Variants in DNAJC6 observed in about 807,000 individuals in gnomAD.
DNAJC6 encodes auxilin.
Under a neutral mutation model 110.0 loss-of-function variants are expected in DNAJC6, and 34 were observed. That is an observed-to-expected ratio of 0.31 (90% CI 0.24 to 0.41). The LOEUF is 0.41. Ranked by LOEUF, DNAJC6 falls within the 10% of genes least tolerant of loss-of-function variation. The pLI, the probability that DNAJC6 is intolerant of heterozygous loss-of-function variation, is 1.00. For missense variants in DNAJC6, 1,031 were observed against 1,207.8 expected (o/e 0.85, Z 2.17); for synonymous variants, 406 against 437.2 (o/e 0.93, Z 0.89).
intron 1 of DNAJC6, among the ~76,000 whole-genome samples, chr1:65,299,586 T>A (rs1448362624): frequency 6.6e-6 from 1 of 152,194 alleles, no homozygotes. Context: ...GAACCCTCAC[T>A]ATATGCCAGG....
At chr1:65,312,395 C>A (rs1219846405) in intron 1 of DNAJC6, among the ~76,000 whole-genome samples, 2 of 152,158 alleles carry the variant, frequency 1.3e-5, no homozygotes, top group Non-Finnish European at 2.9e-5. Flanking sequence ...AATTATAGTT[C>A]TTTCTTCTAA....
At chr1:65,288,545 T>A (rs1333280244) in intron 1 of DNAJC6, among the ~76,000 whole-genome samples, 1 of 152,172 alleles carries the variant, frequency 6.6e-6, no homozygotes, top group Non-Finnish European at 1.5e-5. Flanking sequence ...GAACATTGAA[T>A]TTGTAGGCGA....
At chr1:65,339,386 C>A (rs1165937646) in intron 1 of DNAJC6, among the ~76,000 whole-genome samples, 1 of 152,182 alleles carries the variant, frequency 6.6e-6, no homozygotes, top group African/African-American at 2.4e-5. Context: ...CACAATTAGC[C>A]TATTAATTGT....
chr1:65,339,712 G>C (rs1430927579), intron 1 of DNAJC6, among the ~76,000 whole-genome samples: 1 of 152,186 alleles, frequency 6.6e-6, no homozygotes, highest in Non-Finnish European at 1.5e-5. Flanking sequence ...GGCAACTGGG[G>C]AGTGGTCAGT....
chr1:65,268,666 A>G (rs772495874), intron 1 of DNAJC6, among the ~76,000 whole-genome samples: 1 of 152,220 alleles, frequency 6.6e-6, no homozygotes, highest in Non-Finnish European at 1.5e-5. Context: ...ACTTGAAAAT[A>G]AGTAGCCCTG....
At chr1:65,373,550 T>C (rs1458477448) in intron 4 of DNAJC6, among the ~76,000 whole-genome samples, 4 of 152,222 alleles carry the variant, frequency 2.6e-5, no homozygotes, top group Non-Finnish European at 5.9e-5. Context: ...CATTTTTTCA[T>C]ATAACTGTAT....
In DNAJC6 at chr1:65,311,227, T is replaced by G. The variant is rs948422590; in HGVS notation, c.193+1289T>G. Among the ~76,000 whole-genome samples, 11 of 135,942 alleles carry G rather than the reference T, an allele frequency of 8.1e-5. 1 individual carries two copies. In the East Asian group the frequency reaches 2.4e-3, roughly 30 times the overall value. 89.2% of individuals were successfully genotyped at this position (135,942 alleles called of 152,430 possible). A position where few individuals can be genotyped will look rare whatever the true frequency, so the allele number is the denominator to read the frequency against. ...TGGTTTCAGGACTGTTTTTTTTTTTTTTTTTTTTTTTTTTTGAGGCGGAGT... is the reference window on the plus strand; with the variant it reads ...TGGTTTCAGGACTGTTTTTTTTTTTGTTTTTTTTTTTTTTTGAGGCGGAGT... On this transcript the variant is annotated intron_variant, in intron 1 of 18. Transcript: ENST00000371069.
upstream of DNAJC6, chr1:65,309,490 C>T: frequency 8.6e-7 from 1 of 1,162,680 alleles, no homozygotes. Context: ...CCAGAGGACG[C>T]GCGCCCCCGC....
chr1:65,368,322 C>A (rs1645668567), intron 4 of DNAJC6, among the ~76,000 whole-genome samples: 1 of 151,714 alleles, frequency 6.6e-6, no homozygotes, highest in South Asian at 2.1e-4. Flanking sequence ...TAGCCTCTAT[C>A]TGCTCCTCTA....
exon 1 of DNAJC6, chr1:65,264,904 G>C (rs1438302083): frequency 6.2e-7 from 1 of 1,613,342 alleles, no homozygotes; most frequent in South Asian, 1.1e-5. Context: ...GAGGGAGGAA[G>C]CAGAGAATGA....
intron 1 of DNAJC6, among the ~76,000 whole-genome samples, chr1:65,360,150 G>C (rs1208094858): frequency 6.6e-6 from 1 of 152,170 alleles, no homozygotes; most frequent in East Asian, 1.9e-4. Flanking sequence ...TAAAATATTT[G>C]CAGAATCTGC....
intron 7 of DNAJC6, 75 bp downstream of exon 7, chr1:65,385,981 T>C: frequency 7.4e-7 from 1 of 1,354,600 alleles, no homozygotes; most frequent in Non-Finnish European, 1.0e-6. Flanking sequence ...AGTTGAATCA[T>C]ATTCTTCCTG....
intron 1 of DNAJC6, among the ~76,000 whole-genome samples, chr1:65,288,173 T>C (rs1353844821): frequency 6.6e-6 from 1 of 152,170 alleles, no homozygotes; most frequent in Non-Finnish European, 1.5e-5. Context: ...TAGTATTGCC[T>C]TCACCTGTCT....
In DNAJC6 at chr1:65,405,746, G is replaced by C; in HGVS notation, c.2228-124G>C. 5 of 1,158,604 alleles carry C rather than the reference G, an allele frequency of 4.3e-6. No homozygotes were observed. The South Asian group carries it at 4.8e-5, about 11-fold the overall frequency. 71.8% of individuals were successfully genotyped at this position (1,158,604 alleles called of 1,614,324 possible). A position where few individuals can be genotyped will look rare whatever the true frequency, so the allele number is the denominator to read the frequency against. On this transcript the variant is annotated intron_variant, in intron 15 of 18. Transcript: ENST00000371069. ...CCTGCAATTGCTTTATCTATATTAG[G>C]AAGATTACTTATGCTGTCAGTCAAG...
chr1:65,311,547 A>G (rs1260934405), intron 1 of DNAJC6, among the ~76,000 whole-genome samples: 2 of 152,000 alleles, frequency 1.3e-5, no homozygotes, highest in Non-Finnish European at 2.9e-5. Context: ...TTGATGTTGT[A>G]TGTGGTTATT....
At chr1:65,351,029 T>G (rs984813856) in intron 1 of DNAJC6, among the ~76,000 whole-genome samples, 3 of 152,188 alleles carry the variant, frequency 2.0e-5, no homozygotes, top group Non-Finnish European at 2.9e-5. Context: ...CTAATCCCTA[T>G]GTCCACACTG....
intron 1 of DNAJC6, among the ~76,000 whole-genome samples, chr1:65,287,872 G>A (rs1004737850): frequency 1.3e-5 from 2 of 152,098 alleles, no homozygotes; most frequent in African/African-American, 2.4e-5. Flanking sequence ...CTAAAGTGTC[G>A]GGATAACAGG....
At chr1:65,284,038 C>T (rs550479111) in intron 1 of DNAJC6, among the ~76,000 whole-genome samples, 16 of 152,228 alleles carry the variant, frequency 1.1e-4, no homozygotes, top group African/African-American at 3.1e-4. Flanking sequence ...GCCTGGGTCC[C>T]GGGGTCCCCT....
intron 5 of DNAJC6, among the ~76,000 whole-genome samples, chr1:65,382,698 A>G (rs970230723): frequency 2.6e-5 from 4 of 152,250 alleles, no homozygotes; most frequent in Non-Finnish European, 4.4e-5. Context: ...CTACATTTAT[A>G]CTAGCTTGGG....
Sources: gnomAD v4.1 joint callset for allele counts (sites outside exome capture counted in the v4.1 genomes callset) on GRCh38, gnomAD v4.1.1 for gene constraint, MANE v1.5 for transcripts, NCBI Gene and HGNC (gene_info 2026-07-23, HGNC 2026-07-21) for gene names.